SLC25A48: variants seen among roughly 807,000 people sequenced by gnomAD.
SLC25A48 encodes CTC-321K16.1.
In SLC25A48, 29 loss-of-function variants were observed where a neutral mutation model predicts 32.2. The observed-to-expected ratio is 0.90, with a 90% confidence interval of 0.67 to 1.23. The LOEUF (loss-of-function observed/expected upper bound fraction) is 1.23. Ranked by LOEUF, SLC25A48 falls within the 50% of genes most tolerant of loss-of-function variation. The pLI, the probability that SLC25A48 is intolerant of heterozygous loss-of-function variation, is 0.00. For synonymous variants in SLC25A48, 164 were observed against 172.3 expected (o/e 0.95, Z 0.38); for missense variants, 399 against 422.7 (o/e 0.94, Z 0.49).
chr5:135,682,996 G>A (rs1432999660), intron 3 of SLC25A48, among the ~76,000 whole-genome samples: 2 of 152,174 alleles, frequency 1.3e-5, no homozygotes, highest in African/African-American at 2.4e-5. Flanking sequence ...AGGGATTAAT[G>A]TCACTGGATG....
rs573953847 is a variant in SLC25A48 at position 135,806,240 on chromosome 5, C to T, written c.-520-6283C>T. On this transcript the variant is annotated intron_variant, in intron 3 of 10. Coordinates refer to the SLC25A48 transcript ENST00000646290. ...TATTCCTAATATTCCAGTGGATGTA[C>T]ACCCTGTGGGTATGTACTCTGATGT... Among the ~76,000 whole-genome samples, 3 of 151,696 alleles carry T rather than the reference C, an allele frequency of 2.0e-5. No homozygotes were observed. In the South Asian group the frequency reaches 6.2e-4, roughly 32 times the overall value.
intron 3 of SLC25A48, among the ~76,000 whole-genome samples, chr5:135,664,232 G>A (rs1271697558): frequency 6.6e-6 from 1 of 152,216 alleles, no homozygotes; most frequent in Non-Finnish European, 1.5e-5. Flanking sequence ...CAGATATGGC[G>A]ACAGACTCAT....
intron 3 of SLC25A48, among the ~76,000 whole-genome samples, chr5:135,703,490 C>G (rs1411866885): frequency 1.3e-5 from 2 of 152,202 alleles, no homozygotes. Flanking sequence ...CATGTTCTAA[C>G]AGGGTGGGCA....
At chr5:135,626,396 C>T (rs971967175) in intron 1 of SLC25A48, among the ~76,000 whole-genome samples, 6 of 152,184 alleles carry the variant, frequency 3.9e-5, no homozygotes, top group Non-Finnish European at 8.8e-5. Context: ...TTACTGGCTC[C>T]CAGGTTTTAA....
chr5:135,782,659 G>A lies in SLC25A48; in HGVS notation c.-520-29864G>A, dbSNP rs146650267. ...ATCGAAAAGGCTGTATACCCCTCCC[G>A]TGATATCGTTCCTAATAACCAGGAA... On this transcript the variant is annotated intron_variant, in intron 3 of 10. Transcript: ENST00000646290. Among the ~76,000 whole-genome samples the A allele has an allele frequency of 3.6e-3, 426 of 117,370 alleles. 49 individuals are homozygous for A. The highest frequency in any genetic ancestry group is 0.011 in the African/African-American group (418 of 38,700). The allele number at this position is 117,370 out of a possible 152,430, so 77.0% of individuals were successfully genotyped here. A position where few individuals can be genotyped will look rare whatever the true frequency, so the allele number is the denominator to read the frequency against.
chr5:135,590,058 GTTT>G (rs1390629983), intron 1 of SLC25A48, among the ~76,000 whole-genome samples: 1 of 151,828 alleles, frequency 6.6e-6, no homozygotes, highest in African/African-American at 2.4e-5. Context: ...TTGCTTTTTT[GTTT>G]TTTTTGGAGG....
rs145505921 is a variant in SLC25A48 at position 135,803,609 on chromosome 5, G to C, written c.-520-8914G>C. Among the ~76,000 whole-genome samples, 1,128 of 151,302 alleles carry C rather than the reference G, an allele frequency of 7.5e-3. 25 individuals carry two copies. Among genetic ancestry groups the C allele is most frequent in the African/African-American group, 0.026 (1,078 of 40,876 alleles). ...GGGAGATATTACTCCTAATATTACA[G>C]TGGGTGTACACCCTGTGATATTATT... On this transcript the variant is annotated intron_variant, in intron 3 of 10. Transcript: ENST00000646290.
chr5:135,619,497 G>A (rs1052388343), intron 1 of SLC25A48, among the ~76,000 whole-genome samples: 1 of 151,996 alleles, frequency 6.6e-6, no homozygotes, highest in Non-Finnish European at 1.5e-5. Flanking sequence ...CTTTTTGATT[G>A]GAATCTGTTG....
intron 3 of SLC25A48, among the ~76,000 whole-genome samples, chr5:135,754,639 A>G (rs1395576223): frequency 1.3e-5 from 2 of 151,968 alleles, no homozygotes; most frequent in African/African-American, 4.8e-5. Context: ...TATCACTCTG[A>G]TATTTATAAT....
At chr5:135,816,970 T>C (rs1445540337) in intron 4 of SLC25A48, among the ~76,000 whole-genome samples, 4 of 152,212 alleles carry the variant, frequency 2.6e-5, no homozygotes, top group Admixed American at 1.3e-4. Flanking sequence ...TAGAGATAAA[T>C]TTAACATATA....
At chr5:135,876,194 G>A (rs376569287) in intron 6 of SLC25A48, 1 of 120,924 alleles carries the variant, frequency 8.3e-6, no homozygotes, top group African/African-American at 3.1e-5. Context: ...CAGCCAATGA[G>A]TATAGAGGGA....
chr5:135,845,636 G>A (rs888287365), intron 2 of SLC25A48, among the ~76,000 whole-genome samples: 3 of 152,204 alleles, frequency 2.0e-5, no homozygotes, highest in Non-Finnish European at 4.4e-5. Flanking sequence ...TGAATTCCTT[G>A]TCTGTAAAGT....
At chr5:135,785,620 T>A (rs1232772982) in intron 3 of SLC25A48, among the ~76,000 whole-genome samples, 1 of 148,832 alleles carries the variant, frequency 6.7e-6, no homozygotes, top group African/African-American at 2.5e-5. Context: ...GCCCCATGGA[T>A]TGTAATATCC....
intron 6 of SLC25A48, 50 bp from the exon 7 acceptor site, chr5:135,879,918 T>G: frequency 6.5e-7 from 1 of 1,528,628 alleles, no homozygotes; most frequent in Non-Finnish European, 8.8e-7. Context: ...TTGGTGGCCC[T>G]GCAGAGAGTG....
chr5:135,823,828 G>A (rs1209301043), intron 4 of SLC25A48, among the ~76,000 whole-genome samples: 2 of 152,216 alleles, frequency 1.3e-5, no homozygotes, highest in Non-Finnish European at 2.9e-5. Context: ...GAGACTCTGG[G>A]CAGAAGCATT....
chr5:135,680,934 C>T (rs1753881543), intron 3 of SLC25A48, among the ~76,000 whole-genome samples: 1 of 152,100 alleles, frequency 6.6e-6, no homozygotes, highest in African/African-American at 2.4e-5. Context: ...CATTGATTTT[C>T]CCTATAGTTT....
At chr5:135,871,767 T>A in intron 5 of SLC25A48, 49 bp downstream of exon 5, 1 of 1,599,916 alleles carries the variant, frequency 6.3e-7, no homozygotes, top group Non-Finnish European at 8.5e-7. Flanking sequence ...GCCACAGCAG[T>A]GGGACAGCTG....
intron 4 of SLC25A48, among the ~76,000 whole-genome samples, chr5:135,853,355 A>G (rs1008635100): frequency 6.6e-6 from 1 of 152,184 alleles, no homozygotes; most frequent in Non-Finnish European, 1.5e-5. Flanking sequence ...CTATAGCATG[A>G]GACGCTGTTT....
At chr5:135,738,848 G>A (rs1409890882) in intron 3 of SLC25A48, among the ~76,000 whole-genome samples, 4 of 152,186 alleles carry the variant, frequency 2.6e-5, no homozygotes, top group Admixed American at 6.5e-5. Flanking sequence ...TTGGGAGGCC[G>A]AGGCAGGCGG....
Sources: allele counts gnomAD v4.1 joint callset (sites outside exome capture counted in the v4.1 genomes callset), GRCh38; gene constraint gnomAD v4.1.1; transcripts MANE v1.5; gene names NCBI Gene and HGNC (gene_info 2026-07-23, HGNC 2026-07-21).